The following ANKS1B variants were observed in gnomAD, a reference collection of about 807,000 sequenced individuals.
ANKS1B encodes ankyrin repeat and sterile alpha motif domain-containing protein 1B.
A neutral mutation model predicts 148.3 loss-of-function variants in ANKS1B; 36 were observed. The ratio of observed to expected loss-of-function variants is 0.24; its 90% CI spans 0.19 to 0.32. ANKS1B has a LOEUF of 0.32. ANKS1B is among the 10% of genes least tolerant of loss of function. ANKS1B has a pLI of 1.00. For synonymous variants in ANKS1B, 542 were observed against 560.8 expected (o/e 0.97, Z 0.47); for missense variants, 1,157 against 1,542.6 (o/e 0.75, Z 4.19).
At chr12:98,786,281 C>A (rs755519694) in intron 22 of ANKS1B, among the ~76,000 whole-genome samples, 6 of 152,124 alleles carry the variant, frequency 3.9e-5, no homozygotes, top group Non-Finnish European at 8.8e-5. Flanking sequence ...ACATTTGAAT[C>A]CTAAATTCAA....
chr12:98,745,889 G>A, intron 26 of ANKS1B, 40 bp from the exon 27 acceptor site: 1 of 1,580,116 alleles, frequency 6.3e-7, no homozygotes, highest in Non-Finnish European at 8.6e-7. Context: ...TACGGTCGCC[G>A]CGCGGGTGCG....
intron 14 of ANKS1B, among the ~76,000 whole-genome samples, chr12:99,196,995 C>A (rs1020579642): frequency 6.6e-6 from 1 of 152,094 alleles, no homozygotes. Flanking sequence ...AACCCCAAAG[C>A]CAAGGGAGAT....
intron 12 of ANKS1B, among the ~76,000 whole-genome samples, chr12:99,359,696 A>C (rs1036405121): frequency 2.0e-5 from 3 of 152,170 alleles, no homozygotes; most frequent in Non-Finnish European, 4.4e-5. Flanking sequence ...TGATGTCATT[A>C]ACCCATTTTG....
rs1457589214 is a variant in ANKS1B at position 99,044,752 on chromosome 12, G to C, written c.2778+8405C>G. Among the ~76,000 whole-genome samples the C allele has an allele frequency of 2.6e-5, 4 of 152,224 alleles. No homozygotes were observed. The East Asian group carries it at 7.7e-4, about 29-fold the overall frequency. On this transcript the variant is annotated intron_variant, in intron 17 of 26. Coordinates refer to ENST00000683438, the MANE Select transcript of ANKS1B (RefSeq NM_001352186.2). ...GAGAGGCAAAAGACAAATAAAATAGGAGGAGAAGAGAAAGGGATGGATCAT... is the reference window on the plus strand; with the variant it reads ...GAGAGGCAAAAGACAAATAAAATAGCAGGAGAAGAGAAAGGGATGGATCAT...
chr12:98,781,626 A>C, intron 23 of ANKS1B: 1 of 352,582 alleles, frequency 2.8e-6, no homozygotes, highest in South Asian at 2.3e-5. Flanking sequence ...AAATATATGC[A>C]CCCCCCCTTT....
At chr12:98,921,935 AGTCT>A (rs1284326821) in intron 17 of ANKS1B, among the ~76,000 whole-genome samples, 2 of 152,220 alleles carry the variant, frequency 1.3e-5, no homozygotes, top group Non-Finnish European at 2.9e-5. Flanking sequence ...AAAGAAAAAA[AGTCT>A]ACAGCACAAA....
Position 99,812,295 on chromosome 12 carries a change from G to C in ANKS1B, c.232C>G (p.Leu78Val), listed in dbSNP as rs1270380836. The change falls in exon 3 of 27, where the codon CTA becomes GTA. Residue 78 changes from leucine to valine, a missense_variant. Coordinates refer to ENST00000683438, the MANE Select transcript of ANKS1B (RefSeq NM_001352186.2). Reference protein sequence around the residue: ...LNGHKDIVLKLLQYEASTNVA... With the variant: ...LNGHKDIVLKVLQYEASTNVA... ...TTTGTTGATGCCTCATACTGAAGTAGTTTGAGAACTATGTCCCTAAAAAGG... is the reference window on the plus strand; with the variant it reads ...TTTGTTGATGCCTCATACTGAAGTACTTTGAGAACTATGTCCCTAAAAAGG... 1.2e-6 allele frequency: 2 copies of C among 1,610,818 alleles called. No homozygotes were observed. Among genetic ancestry groups the C allele is most frequent in the Admixed American group, 1.7e-5 (1 of 59,598 alleles).
chr12:98,772,951 A>C (rs999894137), intron 25 of ANKS1B, 91 bp downstream of exon 25: 100 of 1,448,394 alleles, frequency 6.9e-5, no homozygotes, highest in Non-Finnish European at 8.8e-5. Context: ...AAACAAGCCA[A>C]GCTAGTGTGT....
chr12:99,832,983 C>T (rs1219757885), intron 1 of ANKS1B, among the ~76,000 whole-genome samples: 1 of 152,064 alleles, frequency 6.6e-6, no homozygotes, highest in African/African-American at 2.4e-5. Flanking sequence ...ATTCCAAATG[C>T]TTTATATGCA....
In ANKS1B at chr12:99,408,306, C is replaced by T. The variant is rs563839003; in HGVS notation, c.1576-8495G>A. ...AACAGGATATCCATAAGCAGAAGAA[C>T]GAAAGTAGACCCCTATCTCTTGCCT... On this transcript the variant is annotated intron_variant, in intron 11 of 26. Transcript: ENST00000683438. 8.3e-5 allele frequency among the ~76,000 whole-genome samples: 12 copies of T among 145,396 alleles called. 1 individual carries two copies. The highest frequency in any genetic ancestry group is 4.8e-4 in the Admixed American group (7 of 14,634).
At chr12:98,885,625 T>TTA (rs1159390748) in intron 17 of ANKS1B, among the ~76,000 whole-genome samples, 1 of 152,186 alleles carries the variant, frequency 6.6e-6, no homozygotes, top group African/African-American at 2.4e-5. Flanking sequence ...ACCCTTTAGT[T>TTA]AATTATAAAA....
At chr12:99,252,516 A>C (rs111628294) in intron 12 of ANKS1B, among the ~76,000 whole-genome samples, 2,769 of 152,304 alleles carry the variant, frequency 0.018, 92 homozygotes, top group African/African-American at 0.063. Context: ...AGTATTAAGA[A>C]GTCCCCATGG....
intron 17 of ANKS1B, among the ~76,000 whole-genome samples, chr12:98,984,947 G>C (rs1166811899): frequency 6.6e-6 from 1 of 152,118 alleles, no homozygotes; most frequent in African/African-American, 2.4e-5. Context: ...GGAGGTCAAG[G>C]CTGCAGTGAA....
intron 9 of ANKS1B, among the ~76,000 whole-genome samples, chr12:99,643,090 C>G (rs146766981): frequency 1.3e-5 from 2 of 152,176 alleles, no homozygotes; most frequent in Non-Finnish European, 2.9e-5. Context: ...GCTCTACATA[C>G]TAGAATTTAG....
chr12:99,733,147 T>C (rs1382311596), intron 8 of ANKS1B, among the ~76,000 whole-genome samples: 1 of 152,214 alleles, frequency 6.6e-6, no homozygotes, highest in Non-Finnish European at 1.5e-5. Context: ...CCACTCCCAC[T>C]GCCTTTATGC....
intron 10 of ANKS1B, among the ~76,000 whole-genome samples, chr12:99,489,355 C>T (rs2096533683): frequency 6.6e-6 from 1 of 151,870 alleles, no homozygotes; most frequent in African/African-American, 2.4e-5. Context: ...AAATTAGTTG[C>T]TGCAATAAGT....
At chr12:99,646,217 T>G (rs1254949489) in intron 9 of ANKS1B, among the ~76,000 whole-genome samples, 1 of 152,106 alleles carries the variant, frequency 6.6e-6, no homozygotes, top group East Asian at 1.9e-4. Context: ...AGTTAAGATA[T>G]AAAGACTTTA....
chr12:99,375,665 C>CT (rs576993751), intron 12 of ANKS1B, among the ~76,000 whole-genome samples: 16 of 150,428 alleles, frequency 1.1e-4, no homozygotes, highest in Non-Finnish European at 2.2e-4. Context: ...AACTAAAACT[C>CT]TAAGACATGT....
chr12:99,019,175 A>G (rs2099944287), intron 17 of ANKS1B, among the ~76,000 whole-genome samples: 2 of 152,190 alleles, frequency 1.3e-5, no homozygotes, highest in Non-Finnish European at 2.9e-5. Context: ...TGAGTTTTCT[A>G]TTCAACATTG....
Sources: allele counts gnomAD v4.1 joint callset (sites outside exome capture counted in the v4.1 genomes callset), GRCh38; gene constraint gnomAD v4.1.1; transcripts MANE v1.5; gene names NCBI Gene and HGNC (gene_info 2026-07-23, HGNC 2026-07-21).